Variants in KDM3A observed in about 807,000 individuals in gnomAD.
The protein encoded by KDM3A is lysine demethylase 3A, also known as lysine-specific demethylase 3A.
In KDM3A, 60 loss-of-function variants were observed where a neutral mutation model predicts 158.0. The ratio of observed to expected loss-of-function variants is 0.38; its 90% CI spans 0.31 to 0.47. The LOEUF is 0.47. Ranked by LOEUF, KDM3A falls within the 20% of genes least tolerant of loss-of-function variation. The pLI is 0.99. For synonymous variants in KDM3A, 608 were observed against 549.3 expected, an observed-to-expected ratio of 1.11 and a Z score of -1.49; for missense variants, 1,319 against 1,574.3, an observed-to-expected ratio of 0.84 and a Z score of 2.74.
chr2:86,486,485 T>G (rs1674185994), intron 21 of KDM3A, among the ~76,000 whole-genome samples: 1 of 152,232 alleles, frequency 6.6e-6, no homozygotes, highest in African/African-American at 2.4e-5. Context: ...GGATTCGAGT[T>G]GGCCATTTTG....
upstream of KDM3A, among the ~76,000 whole-genome samples, chr2:86,438,368 T>C (rs1682525789): frequency 2.0e-5 from 3 of 152,068 alleles, no homozygotes. Flanking sequence ...GGGTAGATGT[T>C]GGTCAAAGGA....
chr2:86,450,163 GGTA>G (rs1413852613), intron 3 of KDM3A, among the ~76,000 whole-genome samples: 1 of 152,208 alleles, frequency 6.6e-6, no homozygotes, highest in African/African-American at 2.4e-5. Flanking sequence ...TAGGGATGGA[GGTA>G]GTAGTGGGAA....
At chr2:86,489,175 A>T (rs755945451) in intron 21 of KDM3A, 143 bp from the exon 22 acceptor site, 251 of 951,760 alleles carry the variant, frequency 2.6e-4, no homozygotes, top group Middle Eastern at 6.9e-4. Flanking sequence ...TGGTTAAAGA[A>T]TTTTTTTGCA....
chr2:86,474,717 G>GTA (rs1673580773), intron 11 of KDM3A, 59 bp from the exon 12 acceptor site: 1 of 740,984 alleles, frequency 1.3e-6, no homozygotes, highest in East Asian at 2.5e-5. Context: ...GTGTGTGTGT[G>GTA]TGTGTGTGTG....
intron 11 of KDM3A, among the ~76,000 whole-genome samples, chr2:86,470,759 G>GTT (rs1345014431): frequency 6.6e-6 from 1 of 152,148 alleles, no homozygotes; most frequent in Non-Finnish European, 1.5e-5. Flanking sequence ...GGTATACCTA[G>GTT]TTGGTATATT....
intron 8 of KDM3A, among the ~76,000 whole-genome samples, chr2:86,458,132 G>A (rs957897019): frequency 6.6e-6 from 1 of 152,178 alleles, no homozygotes; most frequent in Non-Finnish European, 1.5e-5. Flanking sequence ...GGGCCAGGAA[G>A]CCAATGAATA....
chr2:86,482,947 G>C, intron 18 of KDM3A: 1 of 467,734 alleles, frequency 2.1e-6, no homozygotes, highest in South Asian at 2.5e-5. Flanking sequence ...TTTGACGAGG[G>C]CATCCAGGCT....
At chr2:86,455,301 T>A in intron 5 of KDM3A, 114 bp downstream of exon 5, 1 of 668,476 alleles carries the variant, frequency 1.5e-6, no homozygotes, top group South Asian at 1.9e-5. Context: ...TTTCTTTTTT[T>A]TTTTTTTTGA....
At chr2:86,443,831 A>T (rs142997575) in intron 2 of KDM3A, among the ~76,000 whole-genome samples, 37 of 152,282 alleles carry the variant, frequency 2.4e-4, no homozygotes, top group Non-Finnish European at 4.6e-4. Context: ...AGAATGGCCA[A>T]CCTTTTTGCT....
At chr2:86,442,258 C>T in intron 2 of KDM3A, 25 bp downstream of exon 2, 1 of 1,583,976 alleles carries the variant, frequency 6.3e-7, no homozygotes. Flanking sequence ...GGGCCTCTGC[C>T]ACCGGACGTT....
chr2:86,437,938 T>C (rs970483618), upstream of KDM3A, among the ~76,000 whole-genome samples: 2 of 152,168 alleles, frequency 1.3e-5, no homozygotes. Flanking sequence ...TTTGGGCTTT[T>C]TCTTCCATTC....
At chr2:86,459,102 C>G (rs1045167916) in intron 8 of KDM3A, among the ~76,000 whole-genome samples, 3 of 152,248 alleles carry the variant, frequency 2.0e-5, no homozygotes, top group East Asian at 1.9e-4. Flanking sequence ...CATGACAGTT[C>G]TAGCTTAGGA....
chr2:86,482,768 C>G, intron 18 of KDM3A, 74 bp downstream of exon 18: 1 of 1,397,000 alleles, frequency 7.2e-7, no homozygotes, highest in Admixed American at 1.9e-5. Context: ...TTCTGACAAC[C>G]CCACCCCAGG....
intron 8 of KDM3A, among the ~76,000 whole-genome samples, chr2:86,458,645 C>T (rs1672803073): frequency 6.6e-6 from 1 of 152,136 alleles, no homozygotes; most frequent in Admixed American, 6.6e-5. Flanking sequence ...AGGAGCTCTG[C>T]AGGTGCCTCA....
At chr2:86,468,373 A>G (rs1313307915) in intron 10 of KDM3A, among the ~76,000 whole-genome samples, 1 of 152,206 alleles carries the variant, frequency 6.6e-6, no homozygotes, top group Non-Finnish European at 1.5e-5. Context: ...TTGTTTTTGA[A>G]TCATCAGCTC....
chr2:86,457,784 A>T (rs1216270683), intron 8 of KDM3A, among the ~76,000 whole-genome samples: 1 of 152,168 alleles, frequency 6.6e-6, no homozygotes, highest in South Asian at 2.1e-4. Flanking sequence ...GGGTAAACAA[A>T]TGTATTTCAA....
chr2:86,462,411 T>G (rs1672965554), intron 8 of KDM3A, among the ~76,000 whole-genome samples: 1 of 152,150 alleles, frequency 6.6e-6, no homozygotes, highest in Non-Finnish European at 1.5e-5. Flanking sequence ...TTCAAAATGA[T>G]TTAGCATTAA....
intron 6 of KDM3A, 62 bp from the exon 7 acceptor site, chr2:86,456,743 A>G (rs1672716604): frequency 1.1e-5 from 15 of 1,404,312 alleles, no homozygotes; most frequent in Non-Finnish European, 1.5e-5. Flanking sequence ...AATGAACCTG[A>G]TTTTCAGTAT....
intron 21 of KDM3A, chr2:86,489,020 T>C (rs989837320): frequency 9.7e-6 from 3 of 309,872 alleles, no homozygotes; most frequent in African/African-American, 2.2e-5. Flanking sequence ...ACTCCTAGGC[T>C]GTGGCAACAA....
Sources: allele counts gnomAD v4.1 joint callset (sites outside exome capture counted in the v4.1 genomes callset), GRCh38; gene constraint gnomAD v4.1.1; transcripts MANE v1.5; gene names NCBI Gene and HGNC (gene_info 2026-07-23, HGNC 2026-07-21).